Variants in TLL1 observed in about 807,000 individuals in gnomAD.
The protein encoded by TLL1 is tolloid-like protein 1.
TLL1 carries 49 observed loss-of-function variants against 128.2 expected under a neutral mutation model. The ratio of observed to expected loss-of-function variants is 0.38; its 90% CI spans 0.30 to 0.48. TLL1 has a LOEUF of 0.48. Ranked by LOEUF, TLL1 falls within the 20% of genes least tolerant of loss-of-function variation. The pLI, the probability that TLL1 is intolerant of heterozygous loss-of-function variation, is 0.96. For synonymous variants in TLL1, 454 were observed against 418.8 expected, an observed-to-expected ratio of 1.08 and a Z score of -1.03; for missense variants, 1,123 against 1,242.0, an observed-to-expected ratio of 0.90 and a Z score of 1.44.
intron 5 of TLL1, among the ~76,000 whole-genome samples, chr4:165,999,465 A>G (rs1363910842): frequency 6.6e-6 from 1 of 152,046 alleles, no homozygotes; most frequent in East Asian, 1.9e-4. Flanking sequence ...AGACCATCAG[A>G]TTTCGTGAGA....
At chr4:166,005,895 A>G (rs897704898) in intron 6 of TLL1, among the ~76,000 whole-genome samples, 5 of 151,876 alleles carry the variant, frequency 3.3e-5, no homozygotes, top group African/African-American at 4.8e-5. Flanking sequence ...GCAATCCTAA[A>G]ACAGTGCTAA....
intron 8 of TLL1, among the ~76,000 whole-genome samples, chr4:166,015,233 C>T (rs566771134): frequency 4.1e-4 from 62 of 152,110 alleles, no homozygotes; most frequent in Non-Finnish European, 5.7e-4. Flanking sequence ...TATCCTACAG[C>T]AAAGAAACAT....
chr4:165,934,261 C>T (rs542938082), intron 1 of TLL1, among the ~76,000 whole-genome samples: 11 of 151,326 alleles, frequency 7.3e-5, no homozygotes, highest in African/African-American at 9.7e-5. Context: ...GTGATCCACC[C>T]GCCTCAGCCT....
intron 16 of TLL1, among the ~76,000 whole-genome samples, chr4:166,069,833 G>T (rs1259698749): frequency 6.6e-6 from 1 of 151,570 alleles, no homozygotes; most frequent in Non-Finnish European, 1.5e-5. Context: ...AAATTAAGAA[G>T]TCATTGGATT....
At chr4:166,077,008 G>A (rs1741064053) in intron 17 of TLL1, among the ~76,000 whole-genome samples, 1 of 152,028 alleles carries the variant, frequency 6.6e-6, no homozygotes, top group Non-Finnish European at 1.5e-5. Context: ...ATTGAATAAA[G>A]TATTTCACCA....
chr4:166,052,297 T>A lies in TLL1; in HGVS notation c.1525-2779T>A, dbSNP rs528131955. 2.4e-3 allele frequency among the ~76,000 whole-genome samples: 372 copies of A among 152,320 alleles called. 2 individuals are homozygous for A. Among genetic ancestry groups the A allele is most frequent in the Non-Finnish European group, 2.9e-3 (198 of 68,032 alleles). On this transcript the variant is annotated intron_variant, in intron 12 of 20. Transcript: ENST00000061240. ...TGAAGCAATGTAATATTATCTTTTT[T>A]AAATTTATTTTATTTTGTGATGGAG...
Position 165,873,974 on chromosome 4 carries a change from G to C in TLL1, c.70G>C (p.Glu24Gln), listed in dbSNP as rs1239742986. The change falls in exon 1 of 21, where the codon GAG becomes CAG. Residue 24 changes from glutamate to glutamine, a missense_variant. Glu to Gln is a conservative substitution (Grantham distance 29, BLOSUM62 2). Around this residue, in one of 3 missense-constraint regions of TLL1, gnomAD observed 480 missense variants for 542.4 expected, o/e 0.89. Transcript: ENST00000061240. ...LVASGIVFYG[E>Q]LWVCAGLDYD... ...GGCCTCGGGGATTGTTTTCTACGGG[G>C]AGCTATGGGTCTGCGCTGGCCTCGA... The C allele has an allele frequency of 1.2e-6, 2 of 1,614,042 alleles. No individual in the cohort carries two copies. The highest frequency in any genetic ancestry group is 1.7e-6 in the Non-Finnish European group (2 of 1,180,034).
intron 1 of TLL1, among the ~76,000 whole-genome samples, chr4:165,965,049 T>A (rs565118751): frequency 7.2e-5 from 11 of 152,290 alleles, no homozygotes; most frequent in Non-Finnish European, 1.3e-4. Flanking sequence ...ATTTTTAATA[T>A]ATGAAATTAT....
chr4:166,056,785 C>A (rs992105220), intron 13 of TLL1, among the ~76,000 whole-genome samples: 3 of 152,064 alleles, frequency 2.0e-5, no homozygotes, highest in African/African-American at 7.2e-5. Context: ...TCAGTTGGCC[C>A]AGCAATAGGT....
At chr4:165,945,153 G>T (rs1734187717) in intron 1 of TLL1, among the ~76,000 whole-genome samples, 1 of 152,080 alleles carries the variant, frequency 6.6e-6, no homozygotes, top group Non-Finnish European at 1.5e-5. Flanking sequence ...GGATTGTGAG[G>T]ACCGAGAATG....
chr4:166,041,712 C>T lies in TLL1; in HGVS notation c.1262-315C>T, dbSNP rs544606474. On this transcript the variant is annotated intron_variant, in intron 10 of 20. Transcript: ENST00000061240. ...TCTGTTCCCCATTAAATAATATTCC[C>T]CACCTTGATGCATCATTTGACCTTT... 2.0e-5 allele frequency among the ~76,000 whole-genome samples: 3 copies of T among 152,234 alleles called. No homozygotes were observed. The East Asian group carries it at 5.8e-4, about 29-fold the overall frequency.
intron 6 of TLL1, among the ~76,000 whole-genome samples, chr4:166,004,948 G>A (rs1737347165): frequency 6.7e-6 from 1 of 149,270 alleles, no homozygotes; most frequent in Admixed American, 6.6e-5. Context: ...CTGGGTGGTG[G>A]CGGGGGGGTG....
chr4:165,979,385 T>A (rs1736037077), intron 1 of TLL1, among the ~76,000 whole-genome samples: 1 of 152,068 alleles, frequency 6.6e-6, no homozygotes, highest in Admixed American at 6.6e-5. Context: ...ATATATTAAA[T>A]ATTATGCAAA....
At chr4:166,000,049 A>G (rs888839681) in intron 5 of TLL1, among the ~76,000 whole-genome samples, 4 of 152,202 alleles carry the variant, frequency 2.6e-5, no homozygotes, top group African/African-American at 4.8e-5. Flanking sequence ...ATTACCATCT[A>G]TGACTTATGG....
At chr4:166,005,419 A>G (rs1737377243) in intron 6 of TLL1, among the ~76,000 whole-genome samples, 1 of 152,014 alleles carries the variant, frequency 6.6e-6, no homozygotes, top group Admixed American at 6.6e-5. Flanking sequence ...TTTAAGCAAT[A>G]CTTGGTAGAG....
chr4:165,970,257 A>G lies in TLL1; in HGVS notation c.170-19124A>G, dbSNP rs1485578554. 2.6e-5 allele frequency among the ~76,000 whole-genome samples: 4 copies of G among 152,164 alleles called. No individual in the cohort carries two copies. The East Asian group carries it at 5.8e-4, about 22-fold the overall frequency. On this transcript the variant is annotated intron_variant, in intron 1 of 20. Transcript: ENST00000061240. ...CTATTCTATTTAAACATATTTTAAAATATTGTAAACATTGCTGTTTTCTTG... is the reference window on the plus strand; with the variant it reads ...CTATTCTATTTAAACATATTTTAAAGTATTGTAAACATTGCTGTTTTCTTG...
intron 9 of TLL1, among the ~76,000 whole-genome samples, chr4:166,026,995 C>T (rs1738528507): frequency 6.6e-6 from 1 of 151,888 alleles, no homozygotes; most frequent in Non-Finnish European, 1.5e-5. Flanking sequence ...AGCTAGATGC[C>T]CGTCGATGGT....
At chr4:165,923,107 C>T (rs72697341) in intron 1 of TLL1, among the ~76,000 whole-genome samples, 5 of 152,168 alleles carry the variant, frequency 3.3e-5, no homozygotes, top group Non-Finnish European at 5.9e-5. Context: ...GAGTTTAGGC[C>T]CCTCATGCCA....
intron 11 of TLL1, among the ~76,000 whole-genome samples, chr4:166,042,839 C>T (rs1362719851): frequency 6.6e-6 from 1 of 152,060 alleles, no homozygotes; most frequent in Non-Finnish European, 1.5e-5. Context: ...GAGTCACGGA[C>T]GCTGCGCACA....
Sources: gnomAD v4.1 joint callset for allele counts (sites outside exome capture counted in the v4.1 genomes callset) on GRCh38, gnomAD v4.1.1 for gene constraint, gnomAD v4.1.1 regional missense constraint, MANE v1.5 for transcripts, NCBI Gene and HGNC (gene_info 2026-07-23, HGNC 2026-07-21) for gene names.